The following GSE1 variants were observed in gnomAD, a reference collection of about 807,000 sequenced individuals.
The protein encoded by GSE1 is genetic suppressor element 1.
In GSE1, 32 loss-of-function variants were observed where a neutral mutation model predicts 112.6. The ratio of observed to expected loss-of-function variants is 0.28; its 90% CI spans 0.21 to 0.38. The LOEUF (loss-of-function observed/expected upper bound fraction) is 0.38, where lower values mean the gene tolerates loss of function less well. Among genes scored for constraint, GSE1 ranks in the 10% least tolerant of loss-of-function variants. GSE1 has a pLI of 1.00. For missense variants in GSE1, 2,348 were observed against 1,699.2 expected (o/e 1.38, Z -6.71); for synonymous variants, 1,115 against 735.6 (o/e 1.52, Z -8.35).
At chr16:85,613,663 TGG>T (rs898609867) in intron 1 of GSE1, among the ~76,000 whole-genome samples, 13 of 41,776 alleles carry the variant, frequency 3.1e-4, no homozygotes, top group African/African-American at 1.1e-3. Context: ...CAGCGGGGGA[TGG>T]GGGGGGTGCG....
intron 2 of GSE1, among the ~76,000 whole-genome samples, chr16:85,517,649 C>CG (rs2051997846): frequency 6.6e-6 from 1 of 152,224 alleles, no homozygotes. Flanking sequence ...CCTCCAGCCC[C>CG]GGCAGCCTTT....
At chr16:85,592,912 T>C (rs528783534) in intron 1 of GSE1, 1 of 152,346 alleles carries the variant, frequency 6.6e-6, no homozygotes, top group South Asian at 2.1e-4. Context: ...AGACCAGCTC[T>C]AGGCGAGGGT....
intron 2 of GSE1, among the ~76,000 whole-genome samples, chr16:85,396,579 T>G (rs1036993742): frequency 1.3e-5 from 2 of 152,166 alleles, no homozygotes; most frequent in Non-Finnish European, 2.9e-5. Context: ...CCTGGAGCCA[T>G]GGAGGAGAGC....
chr16:85,637,841 A>T (rs1285357985), intron 2 of GSE1, among the ~76,000 whole-genome samples: 1 of 151,898 alleles, frequency 6.6e-6, no homozygotes, highest in Non-Finnish European at 1.5e-5. Context: ...ACCAAGCCCC[A>T]GCGGGCTAGC....
At chr16:85,431,751 C>T (rs2049127842) in intron 2 of GSE1, among the ~76,000 whole-genome samples, 1 of 152,212 alleles carries the variant, frequency 6.6e-6, no homozygotes, top group Non-Finnish European at 1.5e-5. Context: ...CAGAGGGTAT[C>T]TGGGCCGCCT....
intron 1 of GSE1, among the ~76,000 whole-genome samples, chr16:85,262,428 G>A (rs1245847863): frequency 3.3e-5 from 5 of 152,178 alleles, no homozygotes; most frequent in Non-Finnish European, 7.3e-5. Context: ...TCTTTGCACC[G>A]GGGGGCCTCT....
intron 2 of GSE1, among the ~76,000 whole-genome samples, chr16:85,434,791 T>C (rs1311139746): frequency 1.3e-5 from 2 of 152,218 alleles, no homozygotes; most frequent in African/African-American, 4.8e-5. Flanking sequence ...CACTCCAGCC[T>C]GGGAGACAGT....
At chr16:85,394,931 G>A (rs894122773) in intron 2 of GSE1, among the ~76,000 whole-genome samples, 9 of 152,300 alleles carry the variant, frequency 5.9e-5, no homozygotes, top group Middle Eastern at 3.4e-3. Context: ...GCTCAATGGG[G>A]CAGGCTAGAG....
chr16:85,671,439 CAAA>C (rs1159665909), intron 15 of GSE1, among the ~76,000 whole-genome samples: 4 of 61,304 alleles, frequency 6.5e-5, no homozygotes, highest in Non-Finnish European at 5.9e-5. Flanking sequence ...GACTCCGTCT[CAAA>C]AAAAAAAAAA....
intron 1 of GSE1, among the ~76,000 whole-genome samples, chr16:85,633,284 C>T (rs1226240214): frequency 3.3e-5 from 5 of 152,228 alleles, no homozygotes; most frequent in South Asian, 2.1e-4. Context: ...CAGACAGAGA[C>T]GCACAGGGTC....
intron 1 of GSE1, among the ~76,000 whole-genome samples, chr16:85,347,043 A>G (rs1044670076): frequency 6.6e-6 from 1 of 152,170 alleles, no homozygotes; most frequent in Non-Finnish European, 1.5e-5. Context: ...CAGGGTCAGA[A>G]CTTTGGTAAG....
intron 1 of GSE1, among the ~76,000 whole-genome samples, chr16:85,320,469 T>G (rs564688848): frequency 6.6e-6 from 1 of 151,964 alleles, no homozygotes; most frequent in South Asian, 2.1e-4. Context: ...TTTTGTTTTG[T>G]TTTTTTGTAG....
chr16:85,637,000 T>TG (rs1181012333), intron 2 of GSE1, among the ~76,000 whole-genome samples: 2 of 152,328 alleles, frequency 1.3e-5, no homozygotes, highest in African/African-American at 4.8e-5. Flanking sequence ...GACTTGGCAG[T>TG]GGGAGGGGTT....
At chr16:85,513,446 C>T (rs957085982) in intron 2 of GSE1, among the ~76,000 whole-genome samples, 2 of 152,128 alleles carry the variant, frequency 1.3e-5, no homozygotes, top group Non-Finnish European at 2.9e-5. Context: ...TGCCTAGAAG[C>T]ACTAGCCGTC....
chr16:85,632,105 G>C (rs953431083), intron 1 of GSE1, among the ~76,000 whole-genome samples: 2 of 152,178 alleles, frequency 1.3e-5, no homozygotes, highest in Non-Finnish European at 2.9e-5. Context: ...TCTGTGCCGG[G>C]TTGAAGCGGC....
chr16:85,475,188 C>A (rs922972965), intron 2 of GSE1, among the ~76,000 whole-genome samples: 1 of 152,252 alleles, frequency 6.6e-6, no homozygotes, highest in Non-Finnish European at 1.5e-5. Flanking sequence ...TCCTTTCCTT[C>A]TCTTTCTCCC....
intron 1 of GSE1, among the ~76,000 whole-genome samples, chr16:85,286,704 A>AC (rs1372503674): frequency 7.1e-6 from 1 of 140,458 alleles, no homozygotes; most frequent in Non-Finnish European, 1.6e-5. Flanking sequence ...CTGGGTTGGG[A>AC]TTTTTTTTTT....
rs1483802817 is a variant in GSE1 at position 85,323,650 on chromosome 16, C to T, written c.2284-33813C>T. ...TCAGAGGCTCTGCCCAGTGACTGCCCCCACCCCTGATTCTGGCCAGGCTGA... is the reference window on the plus strand; with the variant it reads ...TCAGAGGCTCTGCCCAGTGACTGCCTCCACCCCTGATTCTGGCCAGGCTGA... On this transcript the variant is annotated intron_variant, in intron 1 of 2. Transcript: ENST00000637419. Among the ~76,000 whole-genome samples the T allele has an allele frequency of 2.0e-5, 3 of 152,142 alleles. 1 individual carries two copies. The highest frequency in any genetic ancestry group is 4.4e-5 in the Non-Finnish European group (3 of 68,016).
At chr16:85,359,782 C>T (rs1023422833) in intron 2 of GSE1, among the ~76,000 whole-genome samples, 6 of 152,108 alleles carry the variant, frequency 3.9e-5, no homozygotes, top group African/African-American at 9.7e-5. Flanking sequence ...AACTCACCCT[C>T]GGCACACCAG....
Sources: gnomAD v4.1 joint callset for allele counts (sites outside exome capture counted in the v4.1 genomes callset) on GRCh38, gnomAD v4.1.1 for gene constraint, MANE v1.5 for transcripts, NCBI Gene and HGNC (gene_info 2026-07-23, HGNC 2026-07-21) for gene names.